The following MAP2 variants were observed in gnomAD, a reference collection of about 807,000 sequenced individuals.
MAP2 encodes microtubule associated protein 2, also known as microtubule-associated protein 2.
In MAP2, 14 loss-of-function variants were observed where a neutral mutation model predicts 137.6. The observed-to-expected ratio is 0.10, with a 90% CI of 0.07 to 0.16. The LOEUF is 0.16. Among genes scored for constraint, MAP2 ranks in the 10% least tolerant of loss-of-function variants. The pLI is 1.00. For synonymous variants in MAP2, 786 were observed against 782.3 expected (o/e 1.00, Z -0.08); for missense variants, 2,088 against 2,191.5 (o/e 0.95, Z 0.94).
intron 2 of MAP2, among the ~76,000 whole-genome samples, chr2:209,533,421 AG>A (rs2150600758): frequency 6.6e-6 from 1 of 152,336 alleles, no homozygotes; most frequent in African/African-American, 2.4e-5. Flanking sequence ...CTGGGATTAC[AG>A]GCAAGCCATG....
chr2:209,534,136 A>G (rs1282975412), intron 2 of MAP2, among the ~76,000 whole-genome samples: 1 of 152,226 alleles, frequency 6.6e-6, no homozygotes. Flanking sequence ...GAGCCCTGCA[A>G]GTAATTGATG....
At chr2:209,497,354 T>A (rs1323861802) in intron 1 of MAP2, among the ~76,000 whole-genome samples, 1 of 152,208 alleles carries the variant, frequency 6.6e-6, no homozygotes, top group Non-Finnish European at 1.5e-5. Flanking sequence ...AGAATGTGGC[T>A]GTCTACAAGC....
intron 1 of MAP2, among the ~76,000 whole-genome samples, chr2:209,451,430 C>T (rs1700280444): frequency 6.6e-6 from 1 of 152,170 alleles, no homozygotes. Context: ...CTAAGATTCC[C>T]ACAGTGTCTG....
chr2:209,730,419 A>C lies in MAP2; in HGVS notation c.*22A>C. 1 of 1,583,354 alleles carries C rather than the reference A, an allele frequency of 6.3e-7. No homozygotes were observed. Among genetic ancestry groups the C allele is most frequent in the Non-Finnish European group, 8.7e-7 (1 of 1,154,030 alleles). ...GTGAATATTTCTCATTTAGCATTGA[A>C]ATAATAATATTTAGGCATGAGCTCT... On this transcript the variant is annotated 3_prime_UTR_variant, in exon 16 of 16. Transcript: ENST00000682079.
chr2:209,727,359 G>A (rs1290075723), intron 14 of MAP2, among the ~76,000 whole-genome samples: 2 of 152,182 alleles, frequency 1.3e-5, no homozygotes, highest in East Asian at 3.8e-4. Context: ...CTTTCAGAAT[G>A]CAAAAGAAAA....
chr2:209,559,239 C>T (rs956045205), intron 2 of MAP2, among the ~76,000 whole-genome samples: 4 of 152,012 alleles, frequency 2.6e-5, no homozygotes, highest in Non-Finnish European at 5.9e-5. Flanking sequence ...TTCCCTCCCT[C>T]CCTCTGTTAG....
At chr2:209,501,007 C>T (rs1048220289) in intron 1 of MAP2, among the ~76,000 whole-genome samples, 14 of 138,058 alleles carry the variant, frequency 1.0e-4, no homozygotes, top group African/African-American at 3.8e-4. Flanking sequence ...CAATGCACTC[C>T]AGCCGGGACA....
intron 8 of MAP2, 59 bp from the exon 9 acceptor site, chr2:209,696,483 C>G (rs1165485618): frequency 8.7e-6 from 13 of 1,498,970 alleles, no homozygotes; most frequent in Non-Finnish European, 9.1e-6. Context: ...GGATTTTGTA[C>G]ACTTGTTACT....
At chr2:209,431,090 T>C (rs548616814) in intron 1 of MAP2, among the ~76,000 whole-genome samples, 10 of 152,276 alleles carry the variant, frequency 6.6e-5, no homozygotes, top group East Asian at 1.9e-4. Context: ...TAGCACCATA[T>C]TGAGAGTGGT....
intron 13 of MAP2, chr2:209,723,594 G>A (rs1346983566): frequency 6.3e-7 from 1 of 1,598,494 alleles, no homozygotes. Flanking sequence ...ATTCCTTTTA[G>A]GTTAGGATTT....
chr2:209,611,765 C>T (rs969731805), intron 3 of MAP2, among the ~76,000 whole-genome samples: 9 of 152,034 alleles, frequency 5.9e-5, no homozygotes, highest in Non-Finnish European at 1.0e-4. Context: ...ATACATGAGC[C>T]TCTCTCACCA....
At chr2:209,461,142 A>C (rs1702703733) in intron 1 of MAP2, among the ~76,000 whole-genome samples, 1 of 152,238 alleles carries the variant, frequency 6.6e-6, no homozygotes, top group South Asian at 2.1e-4. Context: ...GTGATTATTA[A>C]GTAAACTTAA....
intron 1 of MAP2, among the ~76,000 whole-genome samples, chr2:209,429,473 A>G (rs1433991115): frequency 6.6e-6 from 1 of 152,028 alleles, no homozygotes; most frequent in Non-Finnish European, 1.5e-5. Flanking sequence ...ATGTGTACCT[A>G]TTAAGTGAAG....
At chr2:209,575,965 A>G (rs1247419158) in intron 2 of MAP2, among the ~76,000 whole-genome samples, 3 of 152,212 alleles carry the variant, frequency 2.0e-5, no homozygotes, top group Non-Finnish European at 2.9e-5. Flanking sequence ...TCTATGAGCA[A>G]AGGCTTTAAG....
At chr2:209,669,226 G>A (rs2047689430) in intron 5 of MAP2, among the ~76,000 whole-genome samples, 1 of 152,036 alleles carries the variant, frequency 6.6e-6, no homozygotes. Context: ...TTATAGGACG[G>A]GAAGGAGGTT....
chr2:209,709,836 A>G, intron 12 of MAP2, 78 bp from the exon 13 acceptor site: 4 of 1,029,026 alleles, frequency 3.9e-6, no homozygotes, highest in Middle Eastern at 2.7e-4. Flanking sequence ...TATGACTTCT[A>G]ACAATCTATG....
At chr2:209,609,220 GA>G (rs1188042858) in intron 3 of MAP2, among the ~76,000 whole-genome samples, 2 of 151,518 alleles carry the variant, frequency 1.3e-5, no homozygotes, top group South Asian at 2.1e-4. Context: ...TTAAAACTCT[GA>G]AAAAAATCTT....
chr2:209,430,564 G>A lies in MAP2; in HGVS notation c.-222+6288G>A, dbSNP rs200339541. On this transcript the variant is annotated intron_variant, in intron 1 of 15. Coordinates refer to ENST00000682079, the MANE Select transcript of MAP2 (RefSeq NM_001375505.1). Reference sequence around the variant, plus strand: ...GAAATCAAATTAGATTAATATTAAAGTATTGCTGTATTTTTCTGTTTGGAT... The same window carrying A: ...GAAATCAAATTAGATTAATATTAAAATATTGCTGTATTTTTCTGTTTGGAT... Among the ~76,000 whole-genome samples, 21 of 152,210 alleles carry A rather than the reference G, an allele frequency of 1.4e-4. No individual in the cohort carries two copies. In the East Asian group the frequency reaches 3.9e-3, roughly 28 times the overall value.
At chr2:209,634,439 T>G (rs1405390931) in intron 4 of MAP2, among the ~76,000 whole-genome samples, 1 of 152,168 alleles carries the variant, frequency 6.6e-6, no homozygotes, top group Non-Finnish European at 1.5e-5. Flanking sequence ...TCCAGACTTC[T>G]TCCATGTGTG....
Sources: allele counts gnomAD v4.1 joint callset (sites outside exome capture counted in the v4.1 genomes callset), GRCh38; gene constraint gnomAD v4.1.1; transcripts MANE v1.5; gene names NCBI Gene and HGNC (gene_info 2026-07-23, HGNC 2026-07-21).